Variants in NRG4 observed in about 807,000 individuals in gnomAD.
NRG4 encodes the protein pro-neuregulin-4, membrane-bound isoform.
In NRG4, 10 loss-of-function variants were observed where a neutral mutation model predicts 15.0. That is an observed-to-expected ratio of 0.67 (90% CI 0.41 to 1.13). NRG4 has a LOEUF of 1.13. Ranked by LOEUF, NRG4 falls within the 50% of genes most tolerant of loss-of-function variation. The probability of loss-of-function intolerance (pLI) is 0.00; values close to 1 mark genes in which losing one functional copy is unlikely to be tolerated. For missense variants in NRG4, 139 were observed against 140.2 expected (o/e 0.99, Z 0.04); for synonymous variants, 41 against 50.1 (o/e 0.82, Z 0.77).
chr15:75,947,046 G>A (rs1294413088), intron 5 of NRG4, among the ~76,000 whole-genome samples: 1 of 152,096 alleles, frequency 6.6e-6, no homozygotes, highest in Non-Finnish European at 1.5e-5. Context: ...CATGTTCTTG[G>A]TTACAGGGGC....
chr15:76,023,307 C>T (rs62027614), intron 5 of NRG4, among the ~76,000 whole-genome samples: 1 of 91,814 alleles, frequency 1.1e-5, no homozygotes, highest in African/African-American at 2.9e-5. Context: ...AAGGTACCTA[C>T]AGTGATTGGA....
At chr15:75,964,875 T>C (rs1483756890) in intron 3 of NRG4, among the ~76,000 whole-genome samples, 1 of 151,852 alleles carries the variant, frequency 6.6e-6, no homozygotes. Flanking sequence ...TGAGCCCTGA[T>C]TGCACCACTG....
At chr15:76,006,920 T>C (rs1374497418) in intron 3 of NRG4, among the ~76,000 whole-genome samples, 1 of 152,174 alleles carries the variant, frequency 6.6e-6, no homozygotes, top group Non-Finnish European at 1.5e-5. Flanking sequence ...ATAGCTAGTA[T>C]ACAGATAGAT....
intron 3 of NRG4, among the ~76,000 whole-genome samples, chr15:75,965,545 C>T (rs950561435): frequency 1.3e-5 from 2 of 152,108 alleles, no homozygotes; most frequent in Non-Finnish European, 2.9e-5. Flanking sequence ...AAGGCAAAGA[C>T]AAATTTAAAT....
chr15:76,047,813 A>C (rs2035908559), intron 4 of NRG4, among the ~76,000 whole-genome samples: 1 of 151,100 alleles, frequency 6.6e-6, no homozygotes, highest in South Asian at 2.1e-4. Flanking sequence ...TTCACTTTAT[A>C]TGCTAAATAT....
At chr15:75,955,423 A>G (rs2032179924) in intron 5 of NRG4, among the ~76,000 whole-genome samples, 1 of 152,154 alleles carries the variant, frequency 6.6e-6, no homozygotes, top group Non-Finnish European at 1.5e-5. Flanking sequence ...CAATGTCTTC[A>G]TATATTTTGT....
chr15:75,944,021 T>C (rs561520413), intron 5 of NRG4, among the ~76,000 whole-genome samples: 17 of 151,976 alleles, frequency 1.1e-4, no homozygotes, highest in Non-Finnish European at 2.1e-4. Flanking sequence ...AAAAGATTGC[T>C]AGAGTGAGTC....
At position 75,941,125 on chromosome 15, in the gene NRG4, G is replaced by T. The variant is rs927796333; in HGVS notation, c.*2513C>A. 1.3e-5 allele frequency: 2 copies of T among 152,074 alleles called. No homozygotes were observed. Among genetic ancestry groups the T allele is most frequent in the Admixed American group, 6.5e-5 (1 of 15,278 alleles). 9.4% of individuals were successfully genotyped at this position (152,074 alleles called of 1,614,324 possible). The stretch of plus-strand genomic sequence containing the variant: ...AAACCTGATTTAAAAAATGGCAAAG[G>T]ATTTGGATAGATCTCCAGAGAGGAC... On this transcript the variant is annotated 3_prime_UTR_variant, in exon 6 of 6. Coordinates refer to ENST00000394907, the MANE Select transcript of NRG4 (RefSeq NM_138573.4).
At chr15:75,995,846 A>T (rs2034194955) in intron 3 of NRG4, among the ~76,000 whole-genome samples, 1 of 152,236 alleles carries the variant, frequency 6.6e-6, no homozygotes. Context: ...AGAGGCAAAC[A>T]TCGGCAGTGC....
intron 3 of NRG4, among the ~76,000 whole-genome samples, chr15:76,007,463 T>C (rs1019966135): frequency 1.3e-5 from 2 of 148,386 alleles, no homozygotes; most frequent in African/African-American, 5.0e-5. Flanking sequence ...GGAGTCTCGC[T>C]CTGTCGCCCA....
intron 5 of NRG4, among the ~76,000 whole-genome samples, chr15:75,945,441 G>C (rs1421133586): frequency 6.6e-6 from 1 of 151,944 alleles, no homozygotes; most frequent in Non-Finnish European, 1.5e-5. Context: ...AGTAGAGACA[G>C]GGTTTCACCA....
At chr15:75,937,333 C>T (rs936679963), downstream of NRG4, 2 of 131,022 alleles carry the variant, frequency 1.5e-5, no homozygotes, top group African/African-American at 5.6e-5. Flanking sequence ...CACAGTGAAA[C>T]CCCATCTCTA....
At chr15:76,053,510 ATAAC>A (rs1284295952) in intron 2 of NRG4, 1 of 151,104 alleles carries the variant, frequency 6.6e-6, no homozygotes, top group East Asian at 1.9e-4. Context: ...GATTCTATCA[ATAAC>A]TACATGGATA....
upstream of NRG4, chr15:76,059,934 G>A (rs1045823112): frequency 2.0e-5 from 3 of 148,078 alleles, no homozygotes; most frequent in East Asian, 2.0e-4. Context: ...GAGGGGGCGG[G>A]GGGGCGGAGA....
intron 4 of NRG4, among the ~76,000 whole-genome samples, chr15:75,957,498 G>A (rs1439279900): frequency 1.3e-5 from 2 of 152,146 alleles, no homozygotes; most frequent in Non-Finnish European, 1.5e-5. Context: ...CATCTTTGAC[G>A]ATAATCTGCC....
chr15:76,030,270 C>CAACA (rs559908649), intron 5 of NRG4, among the ~76,000 whole-genome samples: 172 of 151,186 alleles, frequency 1.1e-3, no homozygotes, highest in Middle Eastern at 6.8e-3. Flanking sequence ...AAAACAACAA[C>CAACA]AACAAACAAA....
chr15:76,012,611 A>G (rs867917773), upstream of NRG4, among the ~76,000 whole-genome samples: 1 of 152,304 alleles, frequency 6.6e-6, no homozygotes, highest in East Asian at 1.9e-4. Flanking sequence ...CACGTTTTAA[A>G]GGTAAAAACC....
chr15:75,968,985 G>A (rs2032966132), intron 3 of NRG4: 1 of 191,180 alleles, frequency 5.2e-6, no homozygotes, highest in South Asian at 1.0e-4. Context: ...CATTGTAGAA[G>A]TGTTTCACTG....
Position 75,943,565 on chromosome 15 carries a change from C to G in NRG4, c.*73G>C. ...GAAATAAAGGATTAGATTTTTAATT[C>G]TTTTACCTAGTGGTGTTTCATTTTC... On this transcript the variant is annotated 3_prime_UTR_variant, in exon 6 of 6. Transcript: ENST00000394907. The G allele has an allele frequency of 1.1e-6, 1 of 885,762 alleles. No homozygotes were observed. The allele number at this position is 885,762 out of a possible 1,614,324, so 54.9% of individuals were successfully genotyped here.
Sources: gnomAD v4.1 joint callset for allele counts (sites outside exome capture counted in the v4.1 genomes callset) on GRCh38, gnomAD v4.1.1 for gene constraint, MANE v1.5 for transcripts, NCBI Gene and HGNC (gene_info 2026-07-23, HGNC 2026-07-21) for gene names.